Variants in BMPER observed in about 807,000 individuals in gnomAD.
The protein encoded by BMPER is BMP-binding endothelial regulator protein.
BMPER carries 45 observed loss-of-function variants against 87.3 expected under a neutral mutation model. The ratio of observed to expected loss-of-function variants is 0.52; its 90% CI spans 0.41 to 0.66. The LOEUF is 0.66. Ranked by LOEUF, BMPER falls within the 30% of genes least tolerant of loss-of-function variation. BMPER has a pLI of 0.00. For synonymous variants in BMPER, 326 were observed against 316.2 expected, an observed-to-expected ratio of 1.03 and a Z score of -0.33; for missense variants, 784 against 867.5, an observed-to-expected ratio of 0.90 and a Z score of 1.21.
At chr7:34,008,937 G>T (rs1332595509) in intron 6 of BMPER, among the ~76,000 whole-genome samples, 1 of 151,852 alleles carries the variant, frequency 6.6e-6, no homozygotes, top group African/African-American at 2.4e-5. Context: ...GAACTCCTGG[G>T]CACAGGAGAT....
intron 2 of BMPER, among the ~76,000 whole-genome samples, chr7:33,935,632 G>A (rs927224965): frequency 6.6e-6 from 1 of 152,008 alleles, no homozygotes; most frequent in Admixed American, 6.6e-5. Flanking sequence ...GAGAGAGAGA[G>A]AGAGACTGGA....
intron 6 of BMPER, among the ~76,000 whole-genome samples, chr7:34,038,870 A>G (rs1787756890): frequency 6.6e-6 from 1 of 152,214 alleles, no homozygotes; most frequent in Admixed American, 6.5e-5. Context: ...ATATGTAGCC[A>G]TATGTCCAGG....
chr7:33,915,823 C>T (rs1029630268), intron 2 of BMPER, among the ~76,000 whole-genome samples: 3 of 152,194 alleles, frequency 2.0e-5, no homozygotes, highest in Non-Finnish European at 2.9e-5. Flanking sequence ...GCAACTACTT[C>T]AGTGAATATA....
chr7:33,919,045 T>C (rs1784150937), intron 2 of BMPER, among the ~76,000 whole-genome samples: 1 of 152,138 alleles, frequency 6.6e-6, no homozygotes, highest in African/African-American at 2.4e-5. Context: ...TTTTCCTCCA[T>C]GGGTGCACGT....
At chr7:34,148,233 TC>T (rs1474692755) in intron 14 of BMPER, among the ~76,000 whole-genome samples, 1 of 152,170 alleles carries the variant, frequency 6.6e-6, no homozygotes. Context: ...TCATTGTCTG[TC>T]TGACAATGAC....
intron 5 of BMPER, among the ~76,000 whole-genome samples, chr7:33,974,192 G>A (rs147685350): frequency 1.3e-5 from 2 of 152,184 alleles, no homozygotes; most frequent in East Asian, 1.9e-4. Flanking sequence ...TTTGTGAAAA[G>A]AGTGATGAAA....
intron 6 of BMPER, among the ~76,000 whole-genome samples, chr7:34,027,093 G>T (rs1366096594): frequency 6.6e-6 from 1 of 151,994 alleles, no homozygotes; most frequent in East Asian, 1.9e-4. Flanking sequence ...GCTTATCATG[G>T]TTATGAGAAT....
rs1351330249 is a variant in BMPER at position 33,970,438 on chromosome 7, G to A, written c.493+19G>A. On this transcript the variant is annotated intron_variant, in intron 5 of 14. Transcript: ENST00000649409. Reference sequence around the variant, plus strand: ...TGTCCAGGTAACGTTCTCAGGAAGGGGAGGCTGGAAATCTCTGTGTGTTCT... The same window carrying A: ...TGTCCAGGTAACGTTCTCAGGAAGGAGAGGCTGGAAATCTCTGTGTGTTCT... The A allele has an allele frequency of 1.9e-6, 3 of 1,608,814 alleles. No homozygotes were observed. Among genetic ancestry groups the A allele is most frequent in the African/African-American group, 1.3e-5 (1 of 74,750 alleles).
chr7:33,913,099 C>G (rs142848001), intron 2 of BMPER, among the ~76,000 whole-genome samples: 2 of 152,142 alleles, frequency 1.3e-5, no homozygotes, highest in African/African-American at 2.4e-5. Context: ...GTAATAGACT[C>G]AAACCCCTGT....
chr7:33,947,361 G>A (rs1784914054), intron 3 of BMPER, among the ~76,000 whole-genome samples: 1 of 152,030 alleles, frequency 6.6e-6, no homozygotes, highest in South Asian at 2.1e-4. Context: ...CTCATATAGA[G>A]CATGAAATAT....
At chr7:34,021,536 A>G (rs1787188309) in intron 6 of BMPER, among the ~76,000 whole-genome samples, 1 of 152,002 alleles carries the variant, frequency 6.6e-6, no homozygotes, top group African/African-American at 2.4e-5. Flanking sequence ...AATTGTACCT[A>G]TGGTCACACA....
intron 6 of BMPER, among the ~76,000 whole-genome samples, chr7:34,032,504 A>T (rs1009367374): frequency 3.3e-5 from 5 of 152,144 alleles, no homozygotes; most frequent in Non-Finnish European, 7.4e-5. Flanking sequence ...AGTCTTCAAG[A>T]GTATTTTGAT....
chr7:34,047,826 A>G (rs59974329), intron 7 of BMPER, among the ~76,000 whole-genome samples: 4,085 of 73,216 alleles, frequency 0.056, 195 homozygotes, highest in African/African-American at 0.18. Flanking sequence ...TCACTTTCCT[A>G]CTTTCTTGCT....
chr7:34,046,532 T>A, intron 7 of BMPER, 127 bp downstream of exon 7: 3 of 948,056 alleles, frequency 3.2e-6, no homozygotes, highest in South Asian at 1.3e-5. Context: ...TAGAGACAAC[T>A]CCCTCTTCTA....
At chr7:34,010,761 A>G (rs1304059690) in intron 6 of BMPER, among the ~76,000 whole-genome samples, 2 of 151,858 alleles carry the variant, frequency 1.3e-5, no homozygotes, top group East Asian at 3.9e-4. Context: ...TTTGCGTGGG[A>G]TGATATTCTA....
chr7:34,104,473 G>A (rs1194663622), intron 13 of BMPER, among the ~76,000 whole-genome samples: 1 of 152,216 alleles, frequency 6.6e-6, no homozygotes, highest in Non-Finnish European at 1.5e-5. Flanking sequence ...AATGATTGCA[G>A]GGTGTTTAAA....
At chr7:33,916,933 C>T (rs1419915566) in intron 2 of BMPER, among the ~76,000 whole-genome samples, 2 of 152,178 alleles carry the variant, frequency 1.3e-5, no homozygotes, top group Non-Finnish European at 2.9e-5. Context: ...GAAGGTCAAC[C>T]TCCTCTATAA....
chr7:34,062,724 T>A (rs1433551029), intron 11 of BMPER, among the ~76,000 whole-genome samples: 1 of 152,220 alleles, frequency 6.6e-6, no homozygotes, highest in Non-Finnish European at 1.5e-5. Context: ...CTGTGGCTTC[T>A]AGGCTACAAA....
chr7:33,997,796 C>A (rs1029602077), intron 6 of BMPER, among the ~76,000 whole-genome samples: 1 of 152,136 alleles, frequency 6.6e-6, no homozygotes, highest in Non-Finnish European at 1.5e-5. Flanking sequence ...CCCAGATGCC[C>A]ACATATCTGA....
Sources: gnomAD v4.1 joint callset for allele counts (sites outside exome capture counted in the v4.1 genomes callset) on GRCh38, gnomAD v4.1.1 for gene constraint, MANE v1.5 for transcripts, NCBI Gene and HGNC (gene_info 2026-07-23, HGNC 2026-07-21) for gene names.